Variants in KLC1 observed in about 807,000 individuals in gnomAD.
KLC1 encodes kinesin light chain 1, also known as kinesin 2 60/70kDa.
In KLC1, 30 loss-of-function variants were observed where a neutral mutation model predicts 84.2. That is an observed-to-expected ratio of 0.36 (90% CI 0.27 to 0.48). The LOEUF (loss-of-function observed/expected upper bound fraction) is 0.48, where lower values mean the gene tolerates loss of function less well. Among genes scored for constraint, KLC1 ranks in the 20% least tolerant of loss-of-function variants. The probability of loss-of-function intolerance (pLI) is 0.99; values close to 1 mark genes in which losing one functional copy is unlikely to be tolerated. For missense variants in KLC1, 499 were observed against 805.4 expected (o/e 0.62, Z 4.60); for synonymous variants, 289 against 293.3 (o/e 0.99, Z 0.15).
intron 5 of KLC1, among the ~76,000 whole-genome samples, chr14:103,668,357 T>TGG: frequency 6.6e-6 from 1 of 152,376 alleles, no homozygotes; most frequent in East Asian, 1.9e-4. Flanking sequence ...GTGGCCTAGA[T>TGG]GGGAAGGTTA....
chr14:103,688,870 C>A (rs1159964149), intron 14 of KLC1, among the ~76,000 whole-genome samples: 1 of 152,158 alleles, frequency 6.6e-6, no homozygotes, highest in Admixed American at 6.5e-5. Context: ...AAATTGCTTA[C>A]AATGAAACAA....
chr14:103,645,034 G>T (rs2077796813), intron 1 of KLC1, among the ~76,000 whole-genome samples: 1 of 151,260 alleles, frequency 6.6e-6, no homozygotes, highest in African/African-American at 2.4e-5. Flanking sequence ...AGTGCAATGG[G>T]GTGATCTTGG....
In KLC1 at chr14:103,665,488, G is replaced by T. The variant is rs534203913; in HGVS notation, c.797+2561G>T. 5.3e-5 allele frequency among the ~76,000 whole-genome samples: 8 copies of T among 152,270 alleles called. No individual in the cohort carries two copies. In the East Asian group the frequency reaches 1.5e-3, roughly 29 times the overall value. On this transcript the variant is annotated intron_variant, in intron 5 of 16. Coordinates refer to ENST00000334553, the MANE Select transcript of KLC1 (RefSeq NM_001394837.1). ...TTGCTCTTGTCGCCCAGGCTAGAGTGCAGTGGAGTGATCTCAGCTCACTGC... is the reference window on the plus strand; with the variant it reads ...TTGCTCTTGTCGCCCAGGCTAGAGTTCAGTGGAGTGATCTCAGCTCACTGC...
intron 5 of KLC1, among the ~76,000 whole-genome samples, chr14:103,667,560 T>A (rs1161471733): frequency 6.6e-6 from 1 of 152,124 alleles, no homozygotes; most frequent in Non-Finnish European, 1.5e-5. Flanking sequence ...TGTCTTGAAC[T>A]CCTGAGCTCA....
intron 2 of KLC1, among the ~76,000 whole-genome samples, chr14:103,655,328 G>GT (rs1180879192): frequency 6.6e-6 from 1 of 152,138 alleles, no homozygotes; most frequent in Non-Finnish European, 1.5e-5. Context: ...TTGAGATGGA[G>GT]TTTTGCTCTT....
At chr14:103,653,653 A>G (rs755729817) in intron 1 of KLC1, among the ~76,000 whole-genome samples, 1 of 152,210 alleles carries the variant, frequency 6.6e-6, no homozygotes, top group African/African-American at 2.4e-5. Context: ...CTTATATTCA[A>G]GGTGACATTA....
intron 1 of KLC1, among the ~76,000 whole-genome samples, chr14:103,634,646 C>G (rs1401558709): frequency 6.6e-6 from 1 of 151,996 alleles, no homozygotes; most frequent in African/African-American, 2.4e-5. Context: ...GGGAGGAGAT[C>G]AGTAGCAAAT....
At chr14:103,662,523 C>T (rs1200178311) in intron 4 of KLC1, among the ~76,000 whole-genome samples, 179 bp from the exon 5 acceptor site, 1 of 151,960 alleles carries the variant, frequency 6.6e-6, no homozygotes, top group Admixed American at 6.6e-5. Flanking sequence ...GTTGCCATCC[C>T]TGACACTGTA....
rs1229996512 is a variant in KLC1, at chr14:103,633,631, C to A, written c.-2+4137C>A. Among the ~76,000 whole-genome samples the A allele has an allele frequency of 2.0e-5, 3 of 152,078 alleles. No individual in the cohort carries two copies. In the East Asian group the frequency reaches 5.8e-4, roughly 29 times the overall value. On this transcript the variant is annotated intron_variant, in intron 1 of 16. Transcript: ENST00000334553. ...CTCCCCAGAATGATCCTGTGAAAAC[C>A]TGAGTCACTCCTCTGTTAAAGCTTT...
chr14:103,643,030 C>A (rs566013760), intron 1 of KLC1, among the ~76,000 whole-genome samples: 2 of 152,244 alleles, frequency 1.3e-5, no homozygotes, highest in Admixed American at 1.3e-4. Context: ...CATGGCCTCC[C>A]AAAGTGTTGG....
At chr14:103,665,373 ATTTCT>A (rs972950365) in intron 5 of KLC1, among the ~76,000 whole-genome samples, 4 of 151,120 alleles carry the variant, frequency 2.6e-5, no homozygotes, top group Non-Finnish European at 5.9e-5. Flanking sequence ...GGATTGATTG[ATTTCT>A]TTTCTTTCTT....
intron 1 of KLC1, among the ~76,000 whole-genome samples, chr14:103,631,035 G>A (rs2076635479): frequency 6.6e-6 from 1 of 152,098 alleles, no homozygotes; most frequent in Non-Finnish European, 1.5e-5. Context: ...GAGGCACACA[G>A]TATCTTCAGT....
intron 13 of KLC1, among the ~76,000 whole-genome samples, chr14:103,681,678 C>CTT (rs1338071565): frequency 6.6e-6 from 1 of 152,244 alleles, no homozygotes; most frequent in East Asian, 1.9e-4. Context: ...AGGCTGGTCT[C>CTT]TAACTCCTGA....
intron 14 of KLC1, 94 bp from the exon 15 acceptor site, chr14:103,692,265 C>A: frequency 8.6e-7 from 1 of 1,168,802 alleles, no homozygotes; most frequent in Non-Finnish European, 1.2e-6. Flanking sequence ...CCCAGTGTCA[C>A]AGAGGCGTTG....
chr14:103,633,863 ATTT>A (rs547590014), intron 1 of KLC1, among the ~76,000 whole-genome samples: 2 of 150,570 alleles, frequency 1.3e-5, no homozygotes, highest in East Asian at 3.9e-4. Context: ...TATTATTATT[ATTT>A]TTTTTTTATT....
At chr14:103,655,232 AAAAAC>A (rs1003153651) in intron 2 of KLC1, among the ~76,000 whole-genome samples, 3 of 152,184 alleles carry the variant, frequency 2.0e-5, no homozygotes, top group East Asian at 1.9e-4. Context: ...TTCTCAAAGA[AAAAAC>A]AAAACAAAAC....
At chr14:103,635,603 A>G (rs2151283197) in intron 1 of KLC1, among the ~76,000 whole-genome samples, 1 of 152,114 alleles carries the variant, frequency 6.6e-6, no homozygotes, top group East Asian at 1.9e-4. Context: ...AAAAATATAA[A>G]ATTAGCCGCG....
At chr14:103,645,216 G>A (rs1305708557) in intron 1 of KLC1, among the ~76,000 whole-genome samples, 7 of 151,920 alleles carry the variant, frequency 4.6e-5, no homozygotes, top group Middle Eastern at 3.2e-3. Flanking sequence ...CAGGTGATCC[G>A]CCCGCCTCGG....
chr14:103,681,625 A>AT lies in KLC1; in HGVS notation c.1650+2087dup, dbSNP rs375807112. Among the ~76,000 whole-genome samples, 152 of 152,092 alleles carry AT rather than the reference A, an allele frequency of 1.0e-3. 3 individuals are homozygous for AT. In the East Asian group the frequency reaches 0.021, roughly 21 times the overall value. ...AGGTGTGCGCCACCACACCTGGCTA[A>AT]TTTTTTTATTTTTAGTAGAGACAGG... On this transcript the variant is annotated intron_variant, in intron 13 of 16. Coordinates refer to ENST00000334553, the MANE Select transcript of KLC1 (RefSeq NM_001394837.1).
Sources: gnomAD v4.1 joint callset for allele counts (sites outside exome capture counted in the v4.1 genomes callset) on GRCh38, gnomAD v4.1.1 for gene constraint, MANE v1.5 for transcripts, NCBI Gene and HGNC (gene_info 2026-07-23, HGNC 2026-07-21) for gene names.